ZFHX3: variants seen among roughly 807,000 people sequenced by gnomAD.
ZFHX3 encodes zinc finger homeobox protein 3.
A neutral mutation model predicts 279.1 loss-of-function variants in ZFHX3; 42 were observed. The observed-to-expected ratio is 0.15, with a 90% CI of 0.12 to 0.19. The LOEUF is 0.19. Ranked by LOEUF, ZFHX3 falls within the 10% of genes least tolerant of loss-of-function variation. The pLI, the probability that ZFHX3 is intolerant of heterozygous loss-of-function variation, is 1.00. For synonymous variants in ZFHX3, 2,293 were observed against 1,957.8 expected (o/e 1.17, Z -4.52); for missense variants, 4,981 against 4,754.0 (o/e 1.05, Z -1.40).
chr16:73,524,567 T>C (rs2019660081), intron 2 of ZFHX3, among the ~76,000 whole-genome samples: 1 of 152,360 alleles, frequency 6.6e-6, no homozygotes, highest in Admixed American at 6.5e-5. Flanking sequence ...GATTCTCACG[T>C]TCTGGAATGA....
At chr16:73,760,540 T>G (rs962905459) in intron 1 of ZFHX3, among the ~76,000 whole-genome samples, 32 of 151,848 alleles carry the variant, frequency 2.1e-4, no homozygotes, top group Non-Finnish European at 7.4e-5. Flanking sequence ...AAAGAAAACT[T>G]CAGACCAATA....
At chr16:72,804,765 A>G (rs1266624965) in intron 7 of ZFHX3, among the ~76,000 whole-genome samples, 9 of 152,116 alleles carry the variant, frequency 5.9e-5, no homozygotes, top group Admixed American at 5.9e-4. Flanking sequence ...TATAAGGAAC[A>G]CCATCCTGCC....
intron 1 of ZFHX3, among the ~76,000 whole-genome samples, chr16:72,983,187 T>G (rs1026836750): frequency 6.6e-6 from 1 of 152,226 alleles, no homozygotes; most frequent in Non-Finnish European, 1.5e-5. Flanking sequence ...ATGAGACTTA[T>G]GAGGCAACTT....
upstream of ZFHX3, chr16:73,059,806 AAT>A (rs1180944504): frequency 1.3e-5 from 2 of 152,176 alleles, no homozygotes; most frequent in Non-Finnish European, 2.9e-5. Flanking sequence ...CTAGACAAAA[AAT>A]ATATGTTAAT....
intron 3 of ZFHX3, among the ~76,000 whole-genome samples, chr16:72,914,177 G>A (rs2039386211): frequency 6.6e-6 from 1 of 152,176 alleles, no homozygotes; most frequent in African/African-American, 2.4e-5. Context: ...AAATGCGGCA[G>A]CACCATGTCA....
At chr16:73,157,052 C>T (rs535617633) in intron 5 of ZFHX3, among the ~76,000 whole-genome samples, 37 of 151,956 alleles carry the variant, frequency 2.4e-4, no homozygotes, top group East Asian at 1.2e-3. Context: ...GACGAGTTCT[C>T]ACTATATTGC....
chr16:72,969,029 G>GC (rs1014824943), intron 1 of ZFHX3, among the ~76,000 whole-genome samples: 1 of 152,088 alleles, frequency 6.6e-6, no homozygotes, highest in African/African-American at 2.4e-5. Context: ...GAGTCTAGAA[G>GC]GAGGACACGA....
At chr16:73,556,063 G>GCCGGA (rs908639203) in intron 2 of ZFHX3, among the ~76,000 whole-genome samples, 1 of 152,130 alleles carries the variant, frequency 6.6e-6, no homozygotes, top group African/African-American at 2.4e-5. Flanking sequence ...TGAGGAAGCA[G>GCCGGA]CCGGAGCATT....
intron 4 of ZFHX3, among the ~76,000 whole-genome samples, chr16:73,303,711 TC>T (rs1183403162): frequency 5.3e-5 from 8 of 151,836 alleles, no homozygotes; most frequent in African/African-American, 1.9e-4. Context: ...GATAATCACC[TC>T]AATTATTTAG....
At chr16:73,171,506 GT>G (rs1387578288) in intron 5 of ZFHX3, among the ~76,000 whole-genome samples, 2 of 129,564 alleles carry the variant, frequency 1.5e-5, no homozygotes, top group Non-Finnish European at 3.3e-5. Context: ...GGGGGGCGGG[GT>G]GGGGGGCGGG....
rs765514881 is a variant in ZFHX3 at position 72,796,292 on chromosome 16, T to G, written c.6390A>C (p.Gln2130His). The change falls in exon 9 of 10, where the codon CAA (glutamine) becomes CAC (histidine). Residue 2130 changes from glutamine (Q) to histidine (H), a missense_variant. This residue lies in a region of ZFHX3 where 1,751 missense variants were observed against 1,770.0 expected (regional missense o/e 0.99). Transcript: ENST00000268489. ...TTGGATTGAGCTGATGCTGGTAGAG[T>G]TGGGCCAGGTCCGCAGGCAGAGGCT... Reference protein sequence around the residue: ...PVEPLPADLAQLYQHQLNPTL... With the variant: ...PVEPLPADLAHLYQHQLNPTL... 1.2e-6 allele frequency: 2 copies of G among 1,613,752 alleles called. No individual in the cohort carries two copies. Among genetic ancestry groups the G allele is most frequent in the Non-Finnish European group, 1.7e-6 (2 of 1,179,932 alleles).
At chr16:73,522,230 C>T (rs2019619574) in intron 2 of ZFHX3, among the ~76,000 whole-genome samples, 1 of 152,140 alleles carries the variant, frequency 6.6e-6, no homozygotes, top group South Asian at 2.1e-4. Flanking sequence ...AATTTAAAAG[C>T]ATCTTTAAAG....
intron 1 of ZFHX3, among the ~76,000 whole-genome samples, chr16:73,784,796 A>AAAAAATATAT (rs56734827): frequency 7.6e-5 from 10 of 131,110 alleles, no homozygotes; most frequent in East Asian, 4.4e-4. Context: ...TAAAAAAAAA[A>AAAAAATATAT]ATATATATAT....
chr16:72,949,759 A>AG (rs1189359366), intron 3 of ZFHX3, among the ~76,000 whole-genome samples: 1 of 137,340 alleles, frequency 7.3e-6, no homozygotes, highest in Non-Finnish European at 1.6e-5. Context: ...AGAGCGGGGA[A>AG]GAAAAAAAAA....
intron 5 of ZFHX3, among the ~76,000 whole-genome samples, chr16:73,148,493 C>G (rs1966878391): frequency 6.8e-6 from 1 of 147,020 alleles, no homozygotes; most frequent in South Asian, 2.2e-4. Flanking sequence ...CCTAGAAACT[C>G]AGTAATTTCT....
chr16:73,659,508 G>C (rs1374559940), intron 2 of ZFHX3, among the ~76,000 whole-genome samples: 1 of 152,064 alleles, frequency 6.6e-6, no homozygotes, highest in African/African-American at 2.4e-5. Flanking sequence ...TACCCTCAGA[G>C]ATTCCCAGGG....
intron 2 of ZFHX3, among the ~76,000 whole-genome samples, chr16:73,539,579 C>T (rs1187448373): frequency 2.0e-5 from 3 of 151,714 alleles, no homozygotes; most frequent in Admixed American, 1.3e-4. Flanking sequence ...CCAGCAACAC[C>T]GTGGGTCAAG....
chr16:73,585,754 CA>C (rs1262060765), intron 2 of ZFHX3, among the ~76,000 whole-genome samples: 2 of 152,242 alleles, frequency 1.3e-5, no homozygotes, highest in African/African-American at 2.4e-5. Flanking sequence ...AGAAACAAAT[CA>C]TGGCAGGAGC....
At chr16:73,203,131 G>A (rs185586633) in intron 5 of ZFHX3, among the ~76,000 whole-genome samples, 176 of 151,894 alleles carry the variant, frequency 1.2e-3, no homozygotes, top group African/African-American at 3.9e-3. Flanking sequence ...CATCTACTCC[G>A]TCGTCCAGGA....
Sources: allele counts gnomAD v4.1 joint callset (sites outside exome capture counted in the v4.1 genomes callset), GRCh38; gene constraint gnomAD v4.1.1; regional missense constraint gnomAD v4.1.1; transcripts MANE v1.5; gene names NCBI Gene and HGNC (gene_info 2026-07-23, HGNC 2026-07-21).